The following TSNAXIP1 variants were observed in gnomAD, a reference collection of about 807,000 sequenced individuals.
The protein encoded by TSNAXIP1 is translin associated factor X interacting protein 1, also known as translin-associated factor X-interacting protein 1.
In TSNAXIP1, 89 loss-of-function variants were observed where a neutral mutation model predicts 84.8. The ratio of observed to expected loss-of-function variants is 1.05; its 90% CI spans 0.88 to 1.25. The LOEUF (loss-of-function observed/expected upper bound fraction) is 1.25. Ranked by LOEUF, TSNAXIP1 falls within the 50% of genes most tolerant of loss-of-function variation. The pLI is 0.00. For missense variants in TSNAXIP1, 874 were observed against 887.6 expected (o/e 0.98, Z 0.20); for synonymous variants, 347 against 335.2 (o/e 1.04, Z -0.39).
chr16:67,821,177 C>G lies in TSNAXIP1; in HGVS notation c.339C>G (p.Leu113=). Reference sequence around the variant, plus strand: ...TGGAAAACTACCTACGCAAGGAGCTCCTCCTGCTGGACCTGGGCACAGATT... The same window carrying G: ...TGGAAAACTACCTACGCAAGGAGCTGCTCCTGCTGGACCTGGGCACAGATT... ...EELENYLRKE[L]LLLDLGTDST... is the part of the protein sequence containing the mutation. Residue 113 remains leucine (L), a synonymous_variant, in exon 4 of 16, where the codon CTC becomes CTG. Transcript: ENST00000561639. 1 of 1,610,022 alleles carries G rather than the reference C, an allele frequency of 6.2e-7. No individual in the cohort carries two copies. The highest frequency in any genetic ancestry group is 8.5e-7 in the Non-Finnish European group (1 of 1,178,488).
At chr16:67,825,370 T>C in intron 7 of TSNAXIP1, 98 bp downstream of exon 7, 1 of 1,511,384 alleles carries the variant, frequency 6.6e-7, no homozygotes, top group Admixed American at 1.9e-5. Flanking sequence ...TCCTAAGACC[T>C]GCTCATTCCA....
chr16:67,826,860 T>G lies in TSNAXIP1; in HGVS notation c.1554+16T>G, dbSNP rs774067121. On this transcript the variant is annotated intron_variant, in intron 12 of 15. Transcript: ENST00000561639. ...GATGGGAAAGGTGAGCTGGGGCCTA[T>G]TCCCCTTGGGGAGACTGAGAGGGGT... 6.2e-7 allele frequency: 1 copy of G among 1,612,876 alleles called. No homozygotes were observed. Among genetic ancestry groups the G allele is most frequent in the Non-Finnish European group, 8.5e-7 (1 of 1,179,700 alleles).
chr16:67,826,557 GAGC>G lies in TSNAXIP1; in HGVS notation c.1399_1401del (p.Gln467del). ...TGCCTGGAAGGAACGTCTTGCTGAG[GAGC>G]AGGTCAGATCTCACCAGCCACTCTG... On this transcript the variant is annotated inframe_deletion and splice_region_variant, in exon 11 of 16. Coordinates refer to ENST00000561639, the MANE Select transcript of TSNAXIP1 (RefSeq NM_001288990.3). 2 of 1,614,144 alleles carry G rather than the reference GAGC, an allele frequency of 1.2e-6. No individual in the cohort carries two copies. The highest frequency in any genetic ancestry group is 1.7e-6 in the Non-Finnish European group (2 of 1,180,006).
chr16:67,808,400 C>A (rs1204072655), intron 1 of TSNAXIP1, among the ~76,000 whole-genome samples: 1 of 152,044 alleles, frequency 6.6e-6, no homozygotes, highest in Non-Finnish European at 1.5e-5. Flanking sequence ...CGTGGTGAAA[C>A]CCGGTCTCTA....
At chr16:67,826,379 C>T in intron 10 of TSNAXIP1, 58 bp from the exon 11 acceptor site, 21 of 1,608,806 alleles carry the variant, frequency 1.3e-5, no homozygotes, top group Non-Finnish European at 1.8e-5. Flanking sequence ...GGGATCTTCC[C>T]TGATTGGGGG....
chr16:67,817,256 TCTC>T (rs1321390232), intron 2 of TSNAXIP1, among the ~76,000 whole-genome samples: 4 of 151,542 alleles, frequency 2.6e-5, no homozygotes, highest in Non-Finnish European at 4.4e-5. Context: ...TTCACGCCAT[TCTC>T]CTGCCACAGT....
At chr16:67,808,061 T>G (rs1382054492) in intron 1 of TSNAXIP1, among the ~76,000 whole-genome samples, 1 of 152,108 alleles carries the variant, frequency 6.6e-6, no homozygotes, top group East Asian at 1.9e-4. Context: ...ATCTCAAACA[T>G]GGGAATGATA....
chr16:67,826,044 C>T lies in TSNAXIP1; in HGVS notation c.1112C>T (p.Ser371Phe). Reference sequence around the variant, plus strand: ...GAGCTGCAGGAGATCCAGCGCACTTCCACGCCGCGGCCTGACTGGACCAAG... The same window carrying T: ...GAGCTGCAGGAGATCCAGCGCACTTTCACGCCGCGGCCTGACTGGACCAAG... ...FSELQEIQRT[S>F]TPRPDWTKCK... is the part of the protein sequence containing the mutation. Residue 371 changes from serine (S) to phenylalanine (F), a missense_variant, in exon 9 of 16, where the codon TCC becomes TTC. By Grantham distance (155) the Ser-to-Phe change is radical. Transcript: ENST00000561639. 6.2e-7 allele frequency: 1 copy of T among 1,613,814 alleles called. No individual in the cohort carries two copies. The highest frequency in any genetic ancestry group is 8.5e-7 in the Non-Finnish European group (1 of 1,180,040).
Position 67,806,958 on chromosome 16 carries a change from G to T in TSNAXIP1, c.-192G>T. The T allele has an allele frequency of 1.1e-6, 1 of 870,634 alleles. No individual in the cohort carries two copies. The highest frequency in any genetic ancestry group is 2.9e-5 in the Admixed American group (1 of 34,094). 53.9% of individuals were successfully genotyped at this position (870,634 alleles called of 1,614,324 possible). On this transcript the variant is annotated 5_prime_UTR_variant, in exon 1 of 16. Transcript: ENST00000561639. The stretch of plus-strand genomic sequence containing the variant: ...GTGGTTGACTCTCAGGGCACCCGCT[G>T]CCGGGTCCCAGTCCACCTTTGCTAC...
Position 67,825,985 on chromosome 16 carries a change from G to T in TSNAXIP1, c.1053G>T (p.Met351Ile). The T allele has an allele frequency of 6.2e-7, 1 of 1,614,078 alleles. No individual in the cohort carries two copies. The highest frequency in any genetic ancestry group is 1.1e-5 in the South Asian group (1 of 91,082). The change falls in exon 9 of 16, where the codon ATG becomes ATT. Residue 351 changes from methionine to isoleucine, a missense_variant. Physicochemically the swap from Met to Ile is conservative, Grantham distance 10. Coordinates refer to ENST00000561639, the MANE Select transcript of TSNAXIP1 (RefSeq NM_001288990.3). ...ATGAGATCCTCATGCAGCTGCACAT[G>T]AGCACGCTGAAGGAACGGGACCAAT... ...KEHEILMQLH[M>I]STLKERDQFF...
At chr16:67,818,678 G>A (rs977512917) in intron 2 of TSNAXIP1, among the ~76,000 whole-genome samples, 18 of 151,568 alleles carry the variant, frequency 1.2e-4, no homozygotes, top group Middle Eastern at 3.5e-3. Flanking sequence ...GAAGCCCAGC[G>A]TGGGCAACAT....
At chr16:67,809,329 G>T (rs1252917451) in intron 1 of TSNAXIP1, among the ~76,000 whole-genome samples, 1 of 149,630 alleles carries the variant, frequency 6.7e-6, no homozygotes, top group African/African-American at 2.5e-5. Context: ...TTAGCCAGGT[G>T]TGGTGGCTTG....
Position 67,806,909 on chromosome 16 carries a change from G to A in TSNAXIP1, c.-241G>A. On this transcript the variant is annotated 5_prime_UTR_variant, in exon 1 of 16. Coordinates refer to ENST00000561639, the MANE Select transcript of TSNAXIP1 (RefSeq NM_001288990.3). ...TGTTCATCCCCCTGCCTCAGTTCTG[G>A]TACCTGGGGTCAAATCGGCTGTAGT... 1.6e-6 allele frequency: 1 copy of A among 624,350 alleles called. No individual in the cohort carries two copies. The highest frequency in any genetic ancestry group is 2.8e-6 in the Non-Finnish European group (1 of 360,886). The allele number at this position is 624,350 out of a possible 1,614,324, so 38.7% of individuals were successfully genotyped here. A position where few individuals can be genotyped will look rare whatever the true frequency, so the allele number is the denominator to read the frequency against.
intron 3 of TSNAXIP1, 73 bp downstream of exon 3, chr16:67,821,024 C>T (rs2057006521): frequency 1.2e-5 from 20 of 1,600,414 alleles, no homozygotes; most frequent in East Asian, 4.5e-5. Context: ...AGGGCAGGGG[C>T]GTGTGTTGCC....
intron 2 of TSNAXIP1, 48 bp downstream of exon 2, chr16:67,814,449 C>G (rs143997851): frequency 2.8e-6 from 4 of 1,448,950 alleles, no homozygotes; most frequent in Non-Finnish European, 3.7e-6. Context: ...CCCCCAGACC[C>G]TATCCGTCTC....
At chr16:67,824,462 A>G in intron 5 of TSNAXIP1, 121 bp from the exon 6 acceptor site, 3 of 908,502 alleles carry the variant, frequency 3.3e-6, no homozygotes, top group Non-Finnish European at 5.1e-6. Flanking sequence ...GCTTTGAACA[A>G]GGCATGCAGA....
intron 1 of TSNAXIP1, among the ~76,000 whole-genome samples, chr16:67,808,733 A>G (rs1397091454): frequency 6.6e-6 from 1 of 152,136 alleles, no homozygotes; most frequent in African/African-American, 2.4e-5. Flanking sequence ...CGACAGAGTG[A>G]GACTCCGTCT....
rs1227293065 is a variant in TSNAXIP1 at position 67,806,961 on chromosome 16, G to A, written c.-189G>A. 2.2e-6 allele frequency: 2 copies of A among 892,394 alleles called. No individual in the cohort carries two copies. The highest frequency in any genetic ancestry group is 3.3e-6 in the Non-Finnish European group (2 of 605,190). The allele number at this position is 892,394 out of a possible 1,614,324, so 55.3% of individuals were successfully genotyped here. On this transcript the variant is annotated 5_prime_UTR_variant, in exon 1 of 16. Transcript: ENST00000561639. Reference sequence around the variant, plus strand: ...GTTGACTCTCAGGGCACCCGCTGCCGGGTCCCAGTCCACCTTTGCTACTTT... The same window carrying A: ...GTTGACTCTCAGGGCACCCGCTGCCAGGTCCCAGTCCACCTTTGCTACTTT...
intron 2 of TSNAXIP1, among the ~76,000 whole-genome samples, chr16:67,819,645 CTTTTTTT>C (rs886107623): frequency 1.5e-5 from 2 of 132,488 alleles, no homozygotes; most frequent in Non-Finnish European, 1.6e-5. Context: ...TGCTTTCCCT[CTTTTTTT>C]TTTTTTTTTT....
Sources: allele counts gnomAD v4.1 joint callset (sites outside exome capture counted in the v4.1 genomes callset), GRCh38; gene constraint gnomAD v4.1.1; transcripts MANE v1.5; gene names NCBI Gene and HGNC (gene_info 2026-07-23, HGNC 2026-07-21).